MYRIP: variants seen among roughly 807,000 people sequenced by gnomAD.
MYRIP encodes the protein rab effector MyRIP.
Under a neutral mutation model 98.0 loss-of-function variants are expected in MYRIP, and 49 were observed. The observed-to-expected ratio is 0.50, with a 90% CI of 0.40 to 0.63. The LOEUF is 0.63. Ranked by LOEUF, MYRIP falls within the 30% of genes least tolerant of loss-of-function variation. The pLI is 0.00. For synonymous variants in MYRIP, 404 were observed against 409.5 expected, an observed-to-expected ratio of 0.99 and a Z score of 0.16; for missense variants, 1,004 against 1,058.2, an observed-to-expected ratio of 0.95 and a Z score of 0.71.
intron 2 of MYRIP, among the ~76,000 whole-genome samples, chr3:39,973,247 T>C (rs556133463): frequency 5.3e-4 from 81 of 152,050 alleles, no homozygotes; most frequent in Admixed American, 1.3e-3. Flanking sequence ...ACAGGGGCTG[T>C]AATCCTAGTC....
chr3:40,035,873 A>G (rs1246803177), intron 2 of MYRIP, among the ~76,000 whole-genome samples: 1 of 152,052 alleles, frequency 6.6e-6, no homozygotes, highest in Non-Finnish European at 1.5e-5. Flanking sequence ...ATGAAACTCA[A>G]TACAATTTCA....
intron 2 of MYRIP, among the ~76,000 whole-genome samples, chr3:39,936,455 G>A (rs1944656971): frequency 6.6e-6 from 1 of 152,140 alleles, no homozygotes; most frequent in Non-Finnish European, 1.5e-5. Flanking sequence ...CCAACTCCAT[G>A]GCTCAGATGT....
intron 2 of MYRIP, among the ~76,000 whole-genome samples, chr3:40,024,813 A>G (rs1456286091): frequency 1.3e-5 from 2 of 152,162 alleles, no homozygotes; most frequent in Admixed American, 6.5e-5. Flanking sequence ...CTATTGGCCA[A>G]ATATTCCAGA....
chr3:40,147,445 G>A (rs4676471), intron 3 of MYRIP, among the ~76,000 whole-genome samples: 13,042 of 152,050 alleles, frequency 0.086, 850 homozygotes, highest in African/African-American at 0.17. Context: ...TGTCTTGACC[G>A]TGTGATCATT....
intron 1 of MYRIP, among the ~76,000 whole-genome samples, chr3:39,821,580 A>G (rs1278527858): frequency 6.6e-6 from 1 of 151,812 alleles, no homozygotes; most frequent in African/African-American, 2.4e-5. Context: ...TTTCCTATAT[A>G]TGCATTTAGG....
At chr3:39,866,031 A>G (rs1418258068) in intron 1 of MYRIP, among the ~76,000 whole-genome samples, 1 of 152,124 alleles carries the variant, frequency 6.6e-6, no homozygotes, top group Non-Finnish European at 1.5e-5. Flanking sequence ...TAGCAACATC[A>G]GTGTAGTTAG....
chr3:39,871,826 A>T (rs1384406829), intron 1 of MYRIP, among the ~76,000 whole-genome samples: 1 of 152,070 alleles, frequency 6.6e-6, no homozygotes, highest in East Asian at 1.9e-4. Flanking sequence ...TTTTAAAAAC[A>T]ATTTCAAGTG....
intron 2 of MYRIP, among the ~76,000 whole-genome samples, chr3:39,974,375 C>A (rs1160247327): frequency 2.6e-5 from 4 of 151,950 alleles, no homozygotes; most frequent in Non-Finnish European, 4.4e-5. Flanking sequence ...TCTGAATAGA[C>A]CAATAACAGG....
intron 2 of MYRIP, among the ~76,000 whole-genome samples, chr3:40,011,390 A>C (rs1053739648): frequency 1.3e-5 from 2 of 152,312 alleles, no homozygotes; most frequent in South Asian, 4.2e-4. Context: ...TCTTTCCTTC[A>C]GTGACCTAGG....
At chr3:40,107,968 G>A (rs1005533086) in intron 3 of MYRIP, among the ~76,000 whole-genome samples, 7 of 152,198 alleles carry the variant, frequency 4.6e-5, no homozygotes, top group South Asian at 2.1e-4. Context: ...AACTGCATCC[G>A]TGTCCCACAT....
chr3:39,872,114 T>C (rs1434311319), intron 1 of MYRIP, among the ~76,000 whole-genome samples: 1 of 152,074 alleles, frequency 6.6e-6, no homozygotes, highest in Admixed American at 6.5e-5. Context: ...AGAAATCATA[T>C]TATTTTTCAT....
chr3:40,112,578 G>A (rs1180415962), intron 3 of MYRIP, among the ~76,000 whole-genome samples: 4 of 152,156 alleles, frequency 2.6e-5, no homozygotes, highest in African/African-American at 7.2e-5. Context: ...TCTGGCCATC[G>A]GTGAGCCTGA....
rs575293716 is a variant in MYRIP, at chr3:40,147,248, C to T, written c.333-3800C>T. ...ATGACTTTAACTAGCATATTGAAAC[C>T]ATTATCTTTGGTATATATACCTTAC... On this transcript the variant is annotated intron_variant, in intron 3 of 16. Coordinates refer to ENST00000302541, the MANE Select transcript of MYRIP (RefSeq NM_015460.4). Among the ~76,000 whole-genome samples, 47 of 152,128 alleles carry T rather than the reference C, an allele frequency of 3.1e-4. 1 individual carries two copies. Among genetic ancestry groups the T allele is most frequent in the African/African-American group, 1.1e-3 (47 of 41,510 alleles).
At chr3:39,874,019 C>T (rs1260878389) in intron 1 of MYRIP, among the ~76,000 whole-genome samples, 7 of 149,784 alleles carry the variant, frequency 4.7e-5, no homozygotes, top group Non-Finnish European at 9.0e-5. Context: ...TTTCCTTGAG[C>T]AGTGGTTTGT....
At chr3:39,986,264 C>T (rs1043306611) in intron 2 of MYRIP, among the ~76,000 whole-genome samples, 23 of 152,172 alleles carry the variant, frequency 1.5e-4, no homozygotes, top group African/African-American at 5.3e-4. Context: ...AAGGGCCAGC[C>T]TCATTCTGGT....
At chr3:40,119,676 C>A (rs1235932182) in intron 3 of MYRIP, among the ~76,000 whole-genome samples, 1 of 151,964 alleles carries the variant, frequency 6.6e-6, no homozygotes, top group Non-Finnish European at 1.5e-5. Flanking sequence ...GGACAAAAAA[C>A]CAAACACCAC....
chr3:40,149,517 A>G (rs1168447173), intron 3 of MYRIP, among the ~76,000 whole-genome samples: 1 of 152,224 alleles, frequency 6.6e-6, no homozygotes, highest in Non-Finnish European at 1.5e-5. Context: ...TCTGAAGTAG[A>G]TTGTTCAACT....
At chr3:39,886,872 T>A (rs1943319322) in intron 1 of MYRIP, among the ~76,000 whole-genome samples, 1 of 152,062 alleles carries the variant, frequency 6.6e-6, no homozygotes, top group African/African-American at 2.4e-5. Context: ...CCACCCCAAA[T>A]CAACAGAATA....
chr3:40,079,201 C>G (rs1035785476), intron 3 of MYRIP, among the ~76,000 whole-genome samples: 1 of 152,202 alleles, frequency 6.6e-6, no homozygotes, highest in African/African-American at 2.4e-5. Flanking sequence ...ACCATTTAAG[C>G]CTTCTTAGAC....
Sources: gnomAD v4.1 joint callset for allele counts (sites outside exome capture counted in the v4.1 genomes callset) on GRCh38, gnomAD v4.1.1 for gene constraint, MANE v1.5 for transcripts, NCBI Gene and HGNC (gene_info 2026-07-23, HGNC 2026-07-21) for gene names.